Variants in TPR observed in about 807,000 individuals in gnomAD.
TPR encodes nucleoprotein TPR.
A neutral mutation model predicts 316.1 loss-of-function variants in TPR; 51 were observed. The observed-to-expected ratio is 0.16, with a 90% CI of 0.13 to 0.20. TPR has a LOEUF of 0.20. TPR is among the 10% of genes least tolerant of loss of function. The probability of loss-of-function intolerance (pLI) is 1.00; values close to 1 mark genes in which losing one functional copy is unlikely to be tolerated. For missense variants in TPR, 2,272 were observed against 2,754.8 expected (o/e 0.82, Z 3.92); for synonymous variants, 981 against 914.7 (o/e 1.07, Z -1.31).
chr1:186,366,921 A>G (rs1659361856), intron 4 of TPR, among the ~76,000 whole-genome samples: 1 of 151,808 alleles, frequency 6.6e-6, no homozygotes, highest in Non-Finnish European at 1.5e-5. Flanking sequence ...AAGTATTTTG[A>G]AGGAACTCTT....
intron 12 of TPR, among the ~76,000 whole-genome samples, chr1:186,359,281 A>T (rs1659113771): frequency 6.6e-6 from 1 of 152,104 alleles, no homozygotes; most frequent in Non-Finnish European, 1.5e-5. Flanking sequence ...AAAAGGAAAA[A>T]ATCTTTATGA....
In TPR at chr1:186,312,334, T is replaced by C; in HGVS notation, c.*1637A>G. ...CCTTCTCAAACACACACCATCAGAATTCAATATTCACCTGCCAGACTGGCT... is the reference window on the plus strand; with the variant it reads ...CCTTCTCAAACACACACCATCAGAACTCAATATTCACCTGCCAGACTGGCT... On this transcript the variant is annotated 3_prime_UTR_variant, in exon 51 of 51. Transcript: ENST00000367478. 1 of 1,609,702 alleles carries C rather than the reference T, an allele frequency of 6.2e-7. No individual in the cohort carries two copies. Among genetic ancestry groups the C allele is most frequent in the Non-Finnish European group, 8.5e-7 (1 of 1,178,532 alleles).
rs1483593457 is a variant in TPR at position 186,313,554 on chromosome 1, T to G, written c.*417A>C. ...TTTCTTTTTGTTATAAAGTTCAAAT[T>G]AATTAGTAAAAACATCTCTATTAAA... On this transcript the variant is annotated 3_prime_UTR_variant, in exon 51 of 51. Coordinates refer to ENST00000367478, the MANE Select transcript of TPR (RefSeq NM_003292.3). 1.6e-5 allele frequency: 10 copies of G among 635,090 alleles called. No individual in the cohort carries two copies. The highest frequency in any genetic ancestry group is 1.1e-4 in the Admixed American group (4 of 36,042). The allele number at this position is 635,090 out of a possible 1,614,324, so 39.3% of individuals were successfully genotyped here.
rs965812140 is a variant in TPR, at chr1:186,311,732, T to C, written c.*2239A>G. 3 of 942,810 alleles carry C rather than the reference T, an allele frequency of 3.2e-6. No individual in the cohort carries two copies. The highest frequency in any genetic ancestry group is 1.7e-5 in the African/African-American group (1 of 60,258). 58.4% of individuals were successfully genotyped at this position (942,810 alleles called of 1,614,324 possible). A position where few individuals can be genotyped will look rare whatever the true frequency, so the allele number is the denominator to read the frequency against. ...ATATTTTCAGTGAAAAAAATCAATA[T>C]TGAGGGTAGTATTCTTATTGCCCTC... On this transcript the variant is annotated 3_prime_UTR_variant, in exon 51 of 51. Coordinates refer to ENST00000367478, the MANE Select transcript of TPR (RefSeq NM_003292.3).
chr1:186,375,041 A>G lies in TPR; in HGVS notation c.-13T>C. The G allele has an allele frequency of 3.1e-6, 5 of 1,613,924 alleles. No individual in the cohort carries two copies. Among genetic ancestry groups the G allele is most frequent in the African/African-American group, 1.3e-5 (1 of 75,034 alleles). On this transcript the variant is annotated 5_prime_UTR_variant, in exon 1 of 51. Transcript: ENST00000367478. ...ACACCGCCGCCATGTCGGTGGGGCCAGGGACCCCAGTGGCAGCGGCCGACG... is the reference window on the plus strand; with the variant it reads ...ACACCGCCGCCATGTCGGTGGGGCCGGGGACCCCAGTGGCAGCGGCCGACG...
Position 186,338,234 on chromosome 1 carries a change from T to G in TPR, c.4161A>C (p.Ala1387=). ...RLKAEIARSN[A]SLTNNQNLIQ... The stretch of plus-strand genomic sequence containing the variant: ...TTAAGTTCTGGTTGTTAGTCAAAGA[T>G]GCATTTGATCTTTAAAAAATGGAGG... Residue 1387 remains alanine, a synonymous_variant, in exon 31 of 51, where the codon GCA becomes GCC. Coordinates refer to ENST00000367478, the MANE Select transcript of TPR (RefSeq NM_003292.3). The G allele has an allele frequency of 4.4e-6, 7 of 1,603,982 alleles. No homozygotes were observed. The highest frequency in any genetic ancestry group is 5.9e-6 in the Non-Finnish European group (7 of 1,177,022).
chr1:186,362,024 T>A (rs2101985341), intron 7 of TPR, among the ~76,000 whole-genome samples, 155 bp from the exon 8 acceptor site: 1 of 152,130 alleles, frequency 6.6e-6, no homozygotes, highest in Non-Finnish European at 1.5e-5. Context: ...AAATTAAGGA[T>A]AAAATATTAC....
intron 12 of TPR, 68 bp from the exon 13 acceptor site, chr1:186,358,718 T>C: frequency 4.7e-6 from 6 of 1,281,716 alleles, no homozygotes; most frequent in Non-Finnish European, 5.6e-6. Context: ...AATAAAGACA[T>C]ACAATACTCA....
rs745348683 is a variant in TPR at position 186,325,765 on chromosome 1, A to G, written c.6111T>C (p.Ser2037=). 1 of 1,611,952 alleles carries G rather than the reference A, an allele frequency of 6.2e-7. No individual in the cohort carries two copies. Among genetic ancestry groups the G allele is most frequent in the South Asian group, 1.1e-5 (1 of 90,682 alleles). ...AAAAAAGGCTAATAAAAATCTCACC[A>G]CTGTTTTGAGAATCAGCAGCTCTGT... ...GNHRAADSQN[S]GEGNTGAAES... Residue 2037 remains serine (S), a splice_region_variant and synonymous_variant, in exon 42 of 51, where the codon AGT becomes AGC. Transcript: ENST00000367478.
intron 18 of TPR, among the ~76,000 whole-genome samples, chr1:186,353,168 C>G (rs1030021882): frequency 6.6e-6 from 1 of 152,070 alleles, no homozygotes; most frequent in Admixed American, 6.5e-5. Flanking sequence ...GTCAGTAGAT[C>G]GAGACCATCC....
chr1:186,320,234 T>TCC, intron 46 of TPR, 78 bp downstream of exon 46: 1 of 1,209,896 alleles, frequency 8.3e-7, no homozygotes, highest in Non-Finnish European at 1.1e-6. Context: ...TTGCTCTTTT[T>TCC]CCCCCCTTAA....
At chr1:186,363,033 T>G in intron 5 of TPR, 32 bp from the exon 6 acceptor site, 3 of 1,568,548 alleles carry the variant, frequency 1.9e-6, no homozygotes, top group African/African-American at 1.4e-5. Context: ...ACACGTACAG[T>G]TAAAGATGAT....
In TPR at chr1:186,362,989, G is replaced by A. The variant is rs768933531; in HGVS notation, c.544C>T (p.Arg182Cys). 9 of 1,600,088 alleles carry A rather than the reference G, an allele frequency of 5.6e-6. No homozygotes were observed. The East Asian group carries it at 1.6e-4, about 28-fold the overall frequency. The change falls in exon 6 of 51, where the codon CGC becomes TGC. Residue 182 changes from arginine to cysteine, a missense_variant. Arg to Cys is a radical substitution (Grantham distance 180). Around this residue, in one of 10 missense-constraint regions of TPR, gnomAD observed 549 missense variants for 598.6 expected, o/e 0.92. Coordinates refer to ENST00000367478, the MANE Select transcript of TPR (RefSeq NM_003292.3). ...SDVSVKYREK[R>C]LEQEKELLHS... ...AGCAATTCCTTTTCTTGCTCCAAGC[G>A]TTTTTCTCGATACTAAAGAAATCCA...
chr1:186,327,370 G>T, intron 40 of TPR, 90 bp downstream of exon 40: 1 of 1,120,750 alleles, frequency 8.9e-7, no homozygotes, highest in South Asian at 1.7e-5. Flanking sequence ...CTGGGAACCA[G>T]AATTTACAGC....
chr1:186,361,927 C>G, intron 7 of TPR, 58 bp from the exon 8 acceptor site: 1 of 1,520,718 alleles, frequency 6.6e-7, no homozygotes, highest in Non-Finnish European at 8.9e-7. Context: ...GAATGCTTAT[C>G]AAATGACAAG....
intron 39 of TPR, among the ~76,000 whole-genome samples, chr1:186,331,268 T>C (rs145063288): frequency 1.1e-4 from 17 of 152,230 alleles, no homozygotes; most frequent in African/African-American, 4.1e-4. Flanking sequence ...TCTGGAAATC[T>C]GTGCTATATA....
chr1:186,322,083 A>C (rs1253955318), intron 45 of TPR, among the ~76,000 whole-genome samples: 1 of 152,194 alleles, frequency 6.6e-6, no homozygotes, highest in East Asian at 1.9e-4. Context: ...CATGTTCTTA[A>C]ACATTCTTAT....
chr1:186,342,865 TG>T (rs1305284627), intron 27 of TPR: 2 of 152,354 alleles, frequency 1.3e-5, no homozygotes, highest in African/African-American at 4.8e-5. Context: ...TTTTGCTCCT[TG>T]GGTGAGAAAG....
chr1:186,371,922 C>T (rs1309081073), intron 2 of TPR, among the ~76,000 whole-genome samples: 2 of 152,032 alleles, frequency 1.3e-5, no homozygotes, highest in Non-Finnish European at 2.9e-5. Flanking sequence ...TAGGTTCATC[C>T]CTTTTTCTCT....
Sources: allele counts gnomAD v4.1 joint callset (sites outside exome capture counted in the v4.1 genomes callset), GRCh38; gene constraint gnomAD v4.1.1; regional missense constraint gnomAD v4.1.1; transcripts MANE v1.5; gene names NCBI Gene and HGNC (gene_info 2026-07-23, HGNC 2026-07-21).